The following TENM2 variants were observed in gnomAD, a reference collection of about 807,000 sequenced individuals.
The protein encoded by TENM2 is teneurin transmembrane protein 2.
TENM2 carries 52 observed loss-of-function variants against 245.2 expected under a neutral mutation model. That is an observed-to-expected ratio of 0.21 (90% CI 0.17 to 0.27). The LOEUF (loss-of-function observed/expected upper bound fraction) is 0.27. Ranked by LOEUF, TENM2 falls within the 10% of genes least tolerant of loss-of-function variation. The pLI, the probability that TENM2 is intolerant of heterozygous loss-of-function variation, is 1.00. For synonymous variants in TENM2, 1,363 were observed against 1,438.9 expected (o/e 0.95, Z 1.19); for missense variants, 3,046 against 3,666.8 (o/e 0.83, Z 4.37).
At chr5:167,603,828 G>A (rs1776825995) in intron 2 of TENM2, among the ~76,000 whole-genome samples, 2 of 152,162 alleles carry the variant, frequency 1.3e-5, no homozygotes, top group African/African-American at 4.8e-5. Flanking sequence ...AGTTCTTGCT[G>A]GTAAGACATA....
the TENM2 span, among the ~76,000 whole-genome samples, chr5:167,087,853 A>C: frequency 6.6e-6 from 1 of 151,750 alleles, no homozygotes; most frequent in Non-Finnish European, 1.5e-5. Flanking sequence ...GCAGTGGCAC[A>C]ATTTTGGCTC....
In TENM2 at chr5:167,778,772, G is replaced by A. The variant is rs191079562; in HGVS notation, c.503-97214G>A. Among the ~76,000 whole-genome samples, 7 of 152,308 alleles carry A rather than the reference G, an allele frequency of 4.6e-5. No homozygotes were observed. In the East Asian group the frequency reaches 1.2e-3, roughly 25 times the overall value. ...ACAAAATGGGATACTTAATCTGGGTGAAAATGTAGAATAGGCTTATGATGC... is the reference window on the plus strand; with the variant it reads ...ACAAAATGGGATACTTAATCTGGGTAAAAATGTAGAATAGGCTTATGATGC... On this transcript the variant is annotated intron_variant, in intron 2 of 28. Coordinates refer to ENST00000518659, the Ensembl canonical transcript of TENM2.
At chr5:167,850,706 G>T (rs996917161) in intron 2 of TENM2, among the ~76,000 whole-genome samples, 8 of 152,142 alleles carry the variant, frequency 5.3e-5, no homozygotes, top group African/African-American at 1.9e-4. Context: ...GGGCTGCAAA[G>T]CTAATACTTT....
At chr5:167,780,417 C>T (rs1207250041) in intron 2 of TENM2, among the ~76,000 whole-genome samples, 2 of 152,184 alleles carry the variant, frequency 1.3e-5, no homozygotes, top group African/African-American at 4.8e-5. Flanking sequence ...ATTGTGTCAG[C>T]TCTCATATCG....
intron 2 of TENM2, among the ~76,000 whole-genome samples, chr5:167,390,682 G>GA (rs71925528): frequency 5.3e-5 from 8 of 151,676 alleles, no homozygotes; most frequent in Admixed American, 2.6e-4. Context: ...AATTGATATA[G>GA]AAAAAAAACA....
At chr5:167,867,934 TTGTTTTCTTGC>T (rs1420833022) in intron 2 of TENM2, among the ~76,000 whole-genome samples, 1 of 152,244 alleles carries the variant, frequency 6.6e-6, no homozygotes, top group East Asian at 1.9e-4. Context: ...TAGGTTAAGT[TTGTTTTCTTGC>T]TGTTTTCTTG....
At chr5:167,961,543 G>A (rs948279549) in intron 4 of TENM2, among the ~76,000 whole-genome samples, 1 of 152,180 alleles carries the variant, frequency 6.6e-6, no homozygotes, top group Non-Finnish European at 1.5e-5. Flanking sequence ...AAAGGGAAGA[G>A]GAGATGTAAT....
intron 13 of TENM2, among the ~76,000 whole-genome samples, chr5:168,166,142 C>T (rs778385109): frequency 5.9e-5 from 9 of 152,088 alleles, no homozygotes; most frequent in Non-Finnish European, 1.3e-4. Context: ...CTCTGTCCTG[C>T]TTCGTGAGTT....
At chr5:167,832,817 G>A (rs564787860) in intron 2 of TENM2, among the ~76,000 whole-genome samples, 1 of 152,284 alleles carries the variant, frequency 6.6e-6, no homozygotes, top group African/African-American at 2.4e-5. Context: ...GCTTGTAAAG[G>A]CCCATTGTGC....
At chr5:167,141,164 T>C in the TENM2 span, among the ~76,000 whole-genome samples, 1 of 152,210 alleles carries the variant, frequency 6.6e-6, no homozygotes, top group Non-Finnish European at 1.5e-5. Context: ...GACCACACAC[T>C]GCGATTCGCT....
intron 3 of TENM2, among the ~76,000 whole-genome samples, chr5:167,899,307 G>A (rs939290078): frequency 6.6e-6 from 1 of 152,176 alleles, no homozygotes; most frequent in African/African-American, 2.4e-5. Context: ...TGGGGGATGG[G>A]TGCAGGAAAG....
At chr5:167,972,738 G>A (rs752791408) in intron 4 of TENM2, among the ~76,000 whole-genome samples, 1 of 152,094 alleles carries the variant, frequency 6.6e-6, no homozygotes, top group African/African-American at 2.4e-5. Context: ...TAAAATAAGA[G>A]CCCAGAAGTT....
chr5:167,009,125 G>A, the TENM2 span, among the ~76,000 whole-genome samples: 14 of 150,858 alleles, frequency 9.3e-5, no homozygotes, highest in Non-Finnish European at 1.5e-4. Flanking sequence ...AGAGACGTGA[G>A]CTCCAAAGTT....
chr5:168,060,268 A>G (rs556430107), intron 6 of TENM2, among the ~76,000 whole-genome samples: 71 of 151,914 alleles, frequency 4.7e-4, no homozygotes, highest in Admixed American at 4.5e-3. Flanking sequence ...CTTTAAGCAG[A>G]CAGGGATGGT....
Position 167,545,614 on chromosome 5 carries a change from G to A in TENM2, c.502+170141G>A, listed in dbSNP as rs117161163. On this transcript the variant is annotated intron_variant, in intron 2 of 28. Coordinates refer to ENST00000518659, the Ensembl canonical transcript of TENM2. ...TTATACATCAAATACAATAAAAAAG[G>A]CATTAACAAAAACCACTTACACTAA... 1.5e-3 allele frequency among the ~76,000 whole-genome samples: 223 copies of A among 152,200 alleles called. 2 individuals are homozygous for A. The East Asian group carries it at 0.027, about 18-fold the overall frequency.
exon 10 of TENM2, chr5:168,118,337 G>T: frequency 6.2e-7 from 1 of 1,610,118 alleles, no homozygotes; most frequent in Non-Finnish European, 8.5e-7. Context: ...TATTCTAAAG[G>T]GACGTGCCAG....
intron 25 of TENM2, among the ~76,000 whole-genome samples, chr5:168,241,784 G>A (rs889726891): frequency 6.6e-6 from 1 of 152,150 alleles, no homozygotes; most frequent in African/African-American, 2.4e-5. Context: ...AAAGTACCTA[G>A]CATAGCACCT....
At chr5:167,332,776 T>C (rs1423302895) in intron 1 of TENM2, among the ~76,000 whole-genome samples, 2 of 152,212 alleles carry the variant, frequency 1.3e-5, no homozygotes, top group Admixed American at 1.3e-4. Context: ...ATGAATAGTC[T>C]TTCAGTGTCG....
chr5:167,754,705 A>G (rs1164951874), intron 2 of TENM2, among the ~76,000 whole-genome samples: 1 of 146,802 alleles, frequency 6.8e-6, no homozygotes, highest in African/African-American at 2.5e-5. Flanking sequence ...ATGCACATGA[A>G]CAAACCTTTT....
Sources: gnomAD v4.1 joint callset for allele counts (sites outside exome capture counted in the v4.1 genomes callset) on GRCh38, gnomAD v4.1.1 for gene constraint, MANE v1.5 for transcripts, NCBI Gene and HGNC (gene_info 2026-07-23, HGNC 2026-07-21) for gene names.